The following WDR62 variants were observed in gnomAD, a reference collection of about 807,000 sequenced individuals.
WDR62 encodes WD repeat-containing protein 62.
WDR62 carries 112 observed loss-of-function variants against 160.6 expected under a neutral mutation model. The observed-to-expected ratio is 0.70, with a 90% CI of 0.60 to 0.82. WDR62 has a LOEUF of 0.82. Ranked by LOEUF, WDR62 falls within the 40% of genes least tolerant of loss-of-function variation. WDR62 has a pLI of 0.00. For synonymous variants in WDR62, 792 were observed against 815.1 expected, an observed-to-expected ratio of 0.97 and a Z score of 0.48; for missense variants, 1,819 against 1,983.8, an observed-to-expected ratio of 0.92 and a Z score of 1.58.
At chr19:36,055,559 C>T (rs1970317686) in intron 1 of WDR62, among the ~76,000 whole-genome samples, 1 of 152,174 alleles carries the variant, frequency 6.6e-6, no homozygotes, top group Admixed American at 6.5e-5. Context: ...TTACCTGCCC[C>T]AACTCTTCCT....
chr19:36,096,482 G>A (rs1039199700), intron 20 of WDR62, among the ~76,000 whole-genome samples: 9 of 152,024 alleles, frequency 5.9e-5, no homozygotes, highest in African/African-American at 1.7e-4. Flanking sequence ...GAGGCGAGCG[G>A]ATCACGAGTT....
intron 9 of WDR62, among the ~76,000 whole-genome samples, chr19:36,077,925 CTA>C (rs1971670046): frequency 6.6e-6 from 1 of 152,072 alleles, no homozygotes; most frequent in African/African-American, 2.4e-5. Flanking sequence ...AAATCATAGA[CTA>C]TGTGGGCTTT....
rs572876958 is a variant in WDR62 at position 36,055,599 on chromosome 19, G to A, written c.177+451G>A. Among the ~76,000 whole-genome samples the A allele has an allele frequency of 4.6e-5, 7 of 151,898 alleles. No homozygotes were observed. The South Asian group carries it at 1.2e-3, about 27-fold the overall frequency. On this transcript the variant is annotated intron_variant, in intron 1 of 31. Transcript: ENST00000401500. ...TCTACCCCGCCTTCTCTCACCTTCT[G>A]CGATCTCTATCCTTTTTCCTCACCA...
chr19:36,073,582 C>CAAA, intron 9 of WDR62, 51 bp downstream of exon 9: 1 of 1,474,096 alleles, frequency 6.8e-7, no homozygotes, highest in Non-Finnish European at 9.3e-7. Context: ...GCACAGTTCC[C>CAAA]CACAGTTTGG....
Position 36,084,661 on chromosome 19 carries a change from A to C in WDR62, c.1559A>C (p.Glu520Ala). The change falls in exon 12 of 32, where the codon GAG becomes GCG. Residue 520 changes from glutamate to alanine, a missense_variant. Physicochemically the swap from Glu to Ala is moderately radical, Grantham distance 107. Coordinates refer to ENST00000401500, the MANE Select transcript of WDR62 (RefSeq NM_001083961.2). ...GDRSGNLRIHELHFMDELVKV... is the reference protein window; with the variant it reads ...GDRSGNLRIHALHFMDELVKV... ...CGGTGTGTGTCTCCCAGGATCCACG[A>C]GCTGCACTTCATGGACGAGCTGGTC... 6.2e-7 allele frequency: 1 copy of C among 1,613,726 alleles called. No individual in the cohort carries two copies. The highest frequency in any genetic ancestry group is 8.5e-7 in the Non-Finnish European group (1 of 1,179,972).
the WDR62 span, chr19:36,111,003 G>C: frequency 1.7e-6 from 1 of 581,522 alleles, no homozygotes; most frequent in Non-Finnish European, 3.0e-6. Context: ...TCCAAAACCT[G>C]GGAGAAGATG....
At chr19:36,101,809 C>A in intron 25 of WDR62, 35 bp downstream of exon 25, 2 of 1,535,130 alleles carry the variant, frequency 1.3e-6, no homozygotes, top group Non-Finnish European at 1.8e-6. Flanking sequence ...GGACTCGCTG[C>A]TCGGGCCTGG....
chr19:36,109,845 G>A (rs891542354), downstream of WDR62, among the ~76,000 whole-genome samples: 1 of 151,866 alleles, frequency 6.6e-6, no homozygotes, highest in Non-Finnish European at 1.5e-5. Context: ...CCTGCATTTA[G>A]GAGTTTGAGA....
chr19:36,110,661 C>T, the WDR62 span, among the ~76,000 whole-genome samples: 1 of 152,078 alleles, frequency 6.6e-6, no homozygotes, highest in East Asian at 1.9e-4. Context: ...GGTGGGGCAT[C>T]CTACCTGAGG....
intron 20 of WDR62, among the ~76,000 whole-genome samples, chr19:36,094,717 C>A (rs538987797): frequency 6.6e-5 from 10 of 150,964 alleles, no homozygotes; most frequent in Non-Finnish European, 1.3e-4. Context: ...TAGCGAGAGC[C>A]CATCTATGCA....
intron 10 of WDR62, among the ~76,000 whole-genome samples, chr19:36,082,690 C>T (rs900834567): frequency 2.0e-5 from 3 of 152,248 alleles, no homozygotes; most frequent in Middle Eastern, 3.4e-3. Flanking sequence ...CAGTTTAGAC[C>T]GTTCTGCAGG....
At chr19:36,104,418 G>A in intron 30 of WDR62, 100 bp from the exon 31 acceptor site, 3 of 1,487,688 alleles carry the variant, frequency 2.0e-6, no homozygotes, top group Non-Finnish European at 2.7e-6. Context: ...CCAGAGAAGT[G>A]TTCCAGACAG....
intron 5 of WDR62, 93 bp downstream of exon 5, chr19:36,066,520 A>G: frequency 7.0e-7 from 1 of 1,422,120 alleles, no homozygotes; most frequent in South Asian, 1.2e-5. Context: ...AGGACGCAGT[A>G]AAGTGCTCAC....
intron 7 of WDR62, among the ~76,000 whole-genome samples, chr19:36,068,941 G>A (rs1000042892): frequency 1.1e-4 from 17 of 152,012 alleles, no homozygotes; most frequent in Admixed American, 5.2e-4. Flanking sequence ...GCCGGGCAGA[G>A]GCACCCCCCA....
At chr19:36,102,322 C>T (rs1199947407) in intron 26 of WDR62, 171 bp downstream of exon 26, 1 of 930,170 alleles carries the variant, frequency 1.1e-6, no homozygotes, top group Non-Finnish European at 1.7e-6. Context: ...GTGCGGTGGC[C>T]CAATCTTGGC....
In WDR62 at chr19:36,059,866, C is replaced by G. The variant is rs546974733; in HGVS notation, c.270-102C>G. ...GGAGGAGGAGGAGACCAGAGAGAAC[C>G]GAGGGAGCTTGTTTATTTGTGGGCT... On this transcript the variant is annotated intron_variant, in intron 2 of 31. Coordinates refer to ENST00000401500, the MANE Select transcript of WDR62 (RefSeq NM_001083961.2). 99 of 1,250,810 alleles carry G rather than the reference C, an allele frequency of 7.9e-5. 4 individuals are homozygous for G. Among genetic ancestry groups the G allele is most frequent in the South Asian group, 6.6e-4 (55 of 83,554 alleles). The allele number at this position is 1,250,810 out of a possible 1,614,324, so 77.5% of individuals were successfully genotyped here.
At chr19:36,079,235 C>T (rs1971756064) in intron 9 of WDR62, among the ~76,000 whole-genome samples, 1 of 151,810 alleles carries the variant, frequency 6.6e-6, no homozygotes, top group South Asian at 2.1e-4. Context: ...GCATGCACTA[C>T]CATGCCCAGC....
intron 8 of WDR62, among the ~76,000 whole-genome samples, chr19:36,072,183 T>C (rs1167393001): frequency 6.6e-6 from 1 of 152,068 alleles, no homozygotes; most frequent in Non-Finnish European, 1.5e-5. Context: ...TAGGCATGAG[T>C]GCTTTGGGGA....
rs71167592 is a variant in WDR62, at chr19:36,099,221, C to CA, written c.2521-155dup. On this transcript the variant is annotated intron_variant, in intron 21 of 31. Transcript: ENST00000401500. ...TGGGAGACAGAGCAAGACTTCGTCT[C>CA]AAAAAAAAAAAAAAAAAAAAAAACA... 0.093 allele frequency among the ~76,000 whole-genome samples: 7,044 copies of CA among 75,704 alleles called. 354 individuals carry two copies. The highest frequency in any genetic ancestry group is 0.14 in the Middle Eastern group (17 of 122). 49.7% of individuals were successfully genotyped at this position (75,704 alleles called of 152,430 possible).
Sources: gnomAD v4.1 joint callset for allele counts (sites outside exome capture counted in the v4.1 genomes callset) on GRCh38, gnomAD v4.1.1 for gene constraint, MANE v1.5 for transcripts, NCBI Gene and HGNC (gene_info 2026-07-23, HGNC 2026-07-21) for gene names.